PRKCA: variants seen among roughly 807,000 people sequenced by gnomAD.
PRKCA encodes the protein protein kinase C alpha, also known as protein kinase C alpha type.
PRKCA carries 27 observed loss-of-function variants against 87.0 expected under a neutral mutation model. The ratio of observed to expected loss-of-function variants is 0.31; its 90% confidence interval spans 0.23 to 0.43. The LOEUF is 0.43. Ranked by LOEUF, PRKCA falls within the 20% of genes least tolerant of loss-of-function variation. The probability of loss-of-function intolerance (pLI) is 1.00; values close to 1 mark genes in which losing one functional copy is unlikely to be tolerated. For synonymous variants in PRKCA, 329 were observed against 311.1 expected, an observed-to-expected ratio of 1.06 and a Z score of -0.61; for missense variants, 518 against 852.3, an observed-to-expected ratio of 0.61 and a Z score of 4.88.
chr17:66,771,089 G>C (rs1403384848), intron 13 of PRKCA, among the ~76,000 whole-genome samples: 1 of 150,100 alleles, frequency 6.7e-6, no homozygotes, highest in Non-Finnish European at 1.5e-5. Context: ...ACTATACTCT[G>C]CCTCATGGGT....
intron 2 of PRKCA, among the ~76,000 whole-genome samples, chr17:66,450,797 A>G (rs1440762065): frequency 1.5e-5 from 2 of 130,790 alleles, no homozygotes; most frequent in African/African-American, 5.8e-5. Flanking sequence ...CCCCTGTACT[A>G]GTACATTTGT....
chr17:66,780,790 C>T (rs1975187948), intron 14 of PRKCA, among the ~76,000 whole-genome samples: 1 of 152,074 alleles, frequency 6.6e-6, no homozygotes, highest in African/African-American at 2.4e-5. Flanking sequence ...CCCTTCCACA[C>T]CATATTACAT....
intron 2 of PRKCA, among the ~76,000 whole-genome samples, chr17:66,336,790 GTGT>G (rs1906715938): frequency 7.1e-6 from 1 of 141,676 alleles, no homozygotes; most frequent in African/African-American, 2.5e-5. Flanking sequence ...GTGTGTGTGT[GTGT>G]GTGTGTGTGT....
At chr17:66,731,040 G>A (rs1598903251) in intron 8 of PRKCA, among the ~76,000 whole-genome samples, 2 of 152,274 alleles carry the variant, frequency 1.3e-5, no homozygotes. Context: ...GCTGCACTAG[G>A]GAGGGAGGTG....
chr17:66,647,773 C>T (rs369318060), intron 5 of PRKCA, among the ~76,000 whole-genome samples: 1 of 152,148 alleles, frequency 6.6e-6, no homozygotes, highest in East Asian at 1.9e-4. Context: ...AGGAACAAGA[C>T]CTTTCACTGG....
intron 3 of PRKCA, among the ~76,000 whole-genome samples, chr17:66,607,818 G>A (rs1356316621): frequency 2.6e-5 from 4 of 152,202 alleles, no homozygotes; most frequent in Admixed American, 2.6e-4. Context: ...ACCTCTGGAT[G>A]TATGTTTAAT....
At position 66,388,678 on chromosome 17, in the gene PRKCA, G is replaced by T. The variant is rs144136224; in HGVS notation, c.205+82551G>T. On this transcript the variant is annotated intron_variant, in intron 2 of 16. Transcript: ENST00000413366. ...TCTCCACACCATAAGTATACATGAT[G>T]TACTTACCAAACACGTGCATGCAAG... Among the ~76,000 whole-genome samples, 494 of 152,272 alleles carry T rather than the reference G, an allele frequency of 3.2e-3. 2 individuals are homozygous for T. The highest frequency in any genetic ancestry group is 5.4e-3 in the Non-Finnish European group (368 of 68,024).
intron 3 of PRKCA, among the ~76,000 whole-genome samples, chr17:66,567,117 G>A (rs1176400490): frequency 6.6e-6 from 1 of 152,160 alleles, no homozygotes; most frequent in African/African-American, 2.4e-5. Context: ...CTACCGTAAG[G>A]AAAATCAAGG....
At chr17:66,468,501 T>A (rs938872720) in intron 2 of PRKCA, among the ~76,000 whole-genome samples, 1 of 152,186 alleles carries the variant, frequency 6.6e-6, no homozygotes, top group African/African-American at 2.4e-5. Context: ...CCAACCCTAT[T>A]ATAACTGACA....
At chr17:66,604,696 G>A (rs2143604083) in intron 3 of PRKCA, among the ~76,000 whole-genome samples, 1 of 152,344 alleles carries the variant, frequency 6.6e-6, no homozygotes, top group African/African-American at 2.4e-5. Context: ...GATTTAGCCA[G>A]ATGCATAGGC....
chr17:66,442,542 A>G (rs1321685413), intron 2 of PRKCA, among the ~76,000 whole-genome samples: 2 of 152,058 alleles, frequency 1.3e-5, no homozygotes, highest in Non-Finnish European at 2.9e-5. Flanking sequence ...GAAGTCCAGG[A>G]TCCTTAAACT....
At chr17:66,642,962 C>G (rs894166900) in intron 4 of PRKCA, among the ~76,000 whole-genome samples, 1 of 152,090 alleles carries the variant, frequency 6.6e-6, no homozygotes, top group Admixed American at 6.6e-5. Flanking sequence ...ATTGCTTGAA[C>G]CCAGGAGGCG....
At chr17:66,415,708 C>T (rs901456529) in intron 2 of PRKCA, 2 of 152,066 alleles carry the variant, frequency 1.3e-5, no homozygotes, top group African/African-American at 4.8e-5. Flanking sequence ...CTCGAAGTGC[C>T]CTGGGGTCTG....
chr17:66,477,838 T>C (rs1268248542), intron 2 of PRKCA, among the ~76,000 whole-genome samples: 2 of 152,216 alleles, frequency 1.3e-5, no homozygotes, highest in African/African-American at 2.4e-5. Flanking sequence ...ACATTCTCAT[T>C]GCCCCAGAAA....
intron 14 of PRKCA, chr17:66,774,557 G>C (rs1975006516): frequency 1.2e-6 from 1 of 865,776 alleles, no homozygotes; most frequent in African/African-American, 1.8e-5. Context: ...AGAGGCGGAG[G>C]CTGCAGTGAG....
chr17:66,628,433 A>G (rs1970917268), intron 3 of PRKCA, among the ~76,000 whole-genome samples: 1 of 152,196 alleles, frequency 6.6e-6, no homozygotes, highest in East Asian at 1.9e-4. Context: ...ATTTAATGAC[A>G]TGGAAAAATG....
At chr17:66,661,963 C>CT (rs1971918158) in intron 5 of PRKCA, among the ~76,000 whole-genome samples, 1 of 152,230 alleles carries the variant, frequency 6.6e-6, no homozygotes, top group African/African-American at 2.4e-5. Context: ...CCCCTTACCC[C>CT]TGGAGCTTTT....
intron 8 of PRKCA, among the ~76,000 whole-genome samples, chr17:66,691,476 T>C (rs1237997822): frequency 6.6e-6 from 1 of 152,154 alleles, no homozygotes. Flanking sequence ...ATGCCAGGCA[T>C]AGCTCCTTTT....
intron 3 of PRKCA, among the ~76,000 whole-genome samples, chr17:66,626,738 T>C (rs1970869438): frequency 6.6e-6 from 1 of 152,120 alleles, no homozygotes; most frequent in African/African-American, 2.4e-5. Flanking sequence ...AACTCCTGGA[T>C]TCAAGTAATC....
Sources: allele counts gnomAD v4.1 joint callset (sites outside exome capture counted in the v4.1 genomes callset), GRCh38; gene constraint gnomAD v4.1.1; transcripts MANE v1.5; gene names NCBI Gene and HGNC (gene_info 2026-07-23, HGNC 2026-07-21).